Variants in INPP4B observed in about 807,000 individuals in gnomAD.
INPP4B encodes inositol polyphosphate-4-phosphatase type II B, also known as inositol polyphosphate 4-phosphatase type II.
INPP4B carries 55 observed loss-of-function variants against 122.5 expected under a neutral mutation model. The observed-to-expected ratio is 0.45, with a 90% CI of 0.36 to 0.56. The LOEUF is 0.56. Ranked by LOEUF, INPP4B falls within the 20% of genes least tolerant of loss-of-function variation. The probability of loss-of-function intolerance (pLI) is 0.00; values close to 1 mark genes in which losing one functional copy is unlikely to be tolerated. For synonymous variants in INPP4B, 403 were observed against 388.7 expected (o/e 1.04, Z -0.43); for missense variants, 1,000 against 1,097.7 (o/e 0.91, Z 1.26).
chr4:142,363,021 G>C (rs1056728957), intron 7 of INPP4B, among the ~76,000 whole-genome samples: 1 of 151,944 alleles, frequency 6.6e-6, no homozygotes, highest in Non-Finnish European at 1.5e-5. Context: ...TAATGTGGAG[G>C]GGTAAAAGTA....
intron 1 of INPP4B, among the ~76,000 whole-genome samples, chr4:142,749,556 G>T (rs1425060041): frequency 6.6e-6 from 1 of 151,182 alleles, no homozygotes; most frequent in East Asian, 1.9e-4. Flanking sequence ...GCAGTACTGG[G>T]GATAAAAAGG....
At chr4:142,499,324 T>C (rs1425536) in intron 2 of INPP4B, among the ~76,000 whole-genome samples, 35,729 of 152,002 alleles carry the variant, frequency 0.24, 4,522 homozygotes, top group East Asian at 0.46. Context: ...CTCAATCATG[T>C]AAAATGATAA....
intron 2 of INPP4B, among the ~76,000 whole-genome samples, chr4:142,484,502 A>G (rs1410641126): frequency 6.6e-6 from 1 of 152,130 alleles, no homozygotes; most frequent in African/African-American, 2.4e-5. Context: ...GTCTTGATAC[A>G]TCATCAATTT....
chr4:142,603,132 A>G (rs748840040), intron 2 of INPP4B, among the ~76,000 whole-genome samples: 5 of 152,190 alleles, frequency 3.3e-5, no homozygotes, highest in Non-Finnish European at 4.4e-5. Context: ...GCAGAAAAGG[A>G]AAAACAAATA....
At chr4:142,506,307 C>T (rs532542882) in intron 2 of INPP4B, among the ~76,000 whole-genome samples, 2 of 152,146 alleles carry the variant, frequency 1.3e-5, no homozygotes, top group Non-Finnish European at 2.9e-5. Flanking sequence ...CAGACACTCC[C>T]ACCCAGACCT....
chr4:142,374,754 T>A (rs936090750), intron 7 of INPP4B, among the ~76,000 whole-genome samples: 1 of 151,898 alleles, frequency 6.6e-6, no homozygotes, highest in Non-Finnish European at 1.5e-5. Flanking sequence ...TCTCCAAATA[T>A]GTCATGAAAA....
chr4:142,305,047 C>A (rs984133573), intron 9 of INPP4B, among the ~76,000 whole-genome samples: 1 of 152,018 alleles, frequency 6.6e-6, no homozygotes, highest in Non-Finnish European at 1.5e-5. Context: ...AAAGAATAAT[C>A]AGCTTACTCT....
At chr4:142,784,612 G>A (rs1466247561) in intron 1 of INPP4B, among the ~76,000 whole-genome samples, 1 of 151,954 alleles carries the variant, frequency 6.6e-6, no homozygotes, top group East Asian at 1.9e-4. Context: ...ATACATGCAG[G>A]TTAGCTTGAG....
At chr4:142,119,324 C>T (rs1248890332) in intron 21 of INPP4B, among the ~76,000 whole-genome samples, 2 of 152,164 alleles carry the variant, frequency 1.3e-5, no homozygotes, top group Admixed American at 6.6e-5. Flanking sequence ...ATAAAACATG[C>T]TGCTATAAAG....
chr4:142,422,426 T>C (rs1245197582), intron 5 of INPP4B, among the ~76,000 whole-genome samples: 1 of 152,054 alleles, frequency 6.6e-6, no homozygotes, highest in East Asian at 1.9e-4. Flanking sequence ...TCCTAGGGCT[T>C]TGAACAATGA....
chr4:142,298,986 A>G (rs1443120940), intron 9 of INPP4B, among the ~76,000 whole-genome samples: 2 of 151,990 alleles, frequency 1.3e-5, no homozygotes, highest in Non-Finnish European at 2.9e-5. Flanking sequence ...CTCTCCCTAC[A>G]TGTTTATGAG....
chr4:142,095,888 T>C (rs949379096), intron 23 of INPP4B, among the ~76,000 whole-genome samples: 4 of 152,204 alleles, frequency 2.6e-5, no homozygotes, highest in African/African-American at 7.2e-5. Context: ...ATTATCGTCT[T>C]AACCATCTCT....
chr4:142,328,318 A>G (rs1773224042), intron 7 of INPP4B, among the ~76,000 whole-genome samples: 1 of 152,320 alleles, frequency 6.6e-6, no homozygotes, highest in African/African-American at 2.4e-5. Context: ...CTACATACTG[A>G]AACCTAAGTC....
rs77368579 is a variant in INPP4B, at chr4:142,342,808, C to T, written c.373-28046G>A. Among the ~76,000 whole-genome samples the T allele has an allele frequency of 7.4e-3, 1,121 of 152,118 alleles. 8 individuals are homozygous for T. Among genetic ancestry groups the T allele is most frequent in the Non-Finnish European group, 0.011 (756 of 67,982 alleles). Reference sequence around the variant, plus strand: ...TTGTTTACTGCCTTAATCTCTGAAACGGAGCTTTATTTATTACTCTCATTT... The same window carrying T: ...TTGTTTACTGCCTTAATCTCTGAAATGGAGCTTTATTTATTACTCTCATTT... On this transcript the variant is annotated intron_variant, in intron 7 of 25. Transcript: ENST00000262992.
intron 2 of INPP4B, among the ~76,000 whole-genome samples, chr4:142,681,894 C>G (rs998991273): frequency 1.3e-5 from 2 of 151,798 alleles, no homozygotes; most frequent in Non-Finnish European, 2.9e-5. Flanking sequence ...GCTGTCTATG[C>G]TTTACCATAT....
At chr4:142,327,272 T>C (rs1772733470) in intron 7 of INPP4B, among the ~76,000 whole-genome samples, 1 of 152,158 alleles carries the variant, frequency 6.6e-6, no homozygotes, top group Non-Finnish European at 1.5e-5. Context: ...AATATAAGGC[T>C]AAATAATTTC....
intron 2 of INPP4B, among the ~76,000 whole-genome samples, chr4:142,520,961 T>C (rs897540220): frequency 1.3e-4 from 20 of 151,994 alleles, no homozygotes; most frequent in African/African-American, 4.8e-4. Flanking sequence ...CATATAAAAC[T>C]GTGTGCAAGG....
At chr4:142,091,247 A>T (rs535901597) in intron 23 of INPP4B, among the ~76,000 whole-genome samples, 1 of 152,310 alleles carries the variant, frequency 6.6e-6, no homozygotes, top group African/African-American at 2.4e-5. Flanking sequence ...TGCTTTTCAA[A>T]AACAGCACTG....
intron 12 of INPP4B, among the ~76,000 whole-genome samples, chr4:142,223,194 A>G (rs1420896006): frequency 7.1e-6 from 1 of 139,958 alleles, no homozygotes; most frequent in Non-Finnish European, 1.5e-5. Flanking sequence ...ATGTGCATGC[A>G]CACACACACA....
Sources: gnomAD v4.1 joint callset for allele counts (sites outside exome capture counted in the v4.1 genomes callset) on GRCh38, gnomAD v4.1.1 for gene constraint, MANE v1.5 for transcripts, NCBI Gene and HGNC (gene_info 2026-07-23, HGNC 2026-07-21) for gene names.